Variants in HMCN2 observed in about 807,000 individuals in gnomAD.
HMCN2 encodes hemicentin-2.
In HMCN2, 325 loss-of-function variants were observed where a neutral mutation model predicts 377.5. The ratio of observed to expected loss-of-function variants is 0.86; its 90% CI spans 0.79 to 0.94. The LOEUF (loss-of-function observed/expected upper bound fraction) is 0.94. Among genes scored for constraint, HMCN2 ranks in the 40% least tolerant of loss-of-function variants. The probability of loss-of-function intolerance (pLI) is 0.00; values close to 1 mark genes in which losing one functional copy is unlikely to be tolerated. For missense variants in HMCN2, 4,543 were observed against 4,725.3 expected (o/e 0.96, Z 1.13); for synonymous variants, 2,007 against 2,046.8 (o/e 0.98, Z 0.53).
rs555835288 is a variant in HMCN2 at position 130,365,295 on chromosome 9, T to C, written c.6409-336T>C. Among the ~76,000 whole-genome samples the C allele has an allele frequency of 3.9e-5, 6 of 152,268 alleles. No individual in the cohort carries two copies. The South Asian group carries it at 1.2e-3, about 31-fold the overall frequency. ...CATTCCTCCACCTTCTCTTCGGGTC[T>C]GTTTTCTTGAGCTTTCCAAAGAGGC... On this transcript the variant is annotated intron_variant, in intron 41 of 97. Transcript: ENST00000683500.
At chr9:130,350,234 C>G (rs372751176) in intron 29 of HMCN2, among the ~76,000 whole-genome samples, 7 of 150,438 alleles carry the variant, frequency 4.7e-5, no homozygotes, top group African/African-American at 1.7e-4. Context: ...CACTTTTTCT[C>G]TAAGTAAAAT....
intron 30 of HMCN2, among the ~76,000 whole-genome samples, chr9:130,352,575 G>C (rs1229848561): frequency 6.6e-6 from 1 of 152,178 alleles, no homozygotes; most frequent in Non-Finnish European, 1.5e-5. Context: ...CCAGCCCTGT[G>C]TGAAGTCCTC....
chr9:130,323,936 A>G (rs1413366193), intron 19 of HMCN2, among the ~76,000 whole-genome samples: 4 of 152,156 alleles, frequency 2.6e-5, no homozygotes, highest in African/African-American at 9.7e-5. Context: ...TCCTGACCTC[A>G]GGTGATCCAC....
At chr9:130,403,598 C>G (rs1452334332) in intron 79 of HMCN2, 143 bp from the exon 80 acceptor site, 3 of 955,506 alleles carry the variant, frequency 3.1e-6, no homozygotes, top group Non-Finnish European at 2.8e-6. Context: ...CAGGGTCAGG[C>G]TTCTTGGCTC....
chr9:130,350,933 C>T (rs969077189), intron 29 of HMCN2, among the ~76,000 whole-genome samples: 1 of 152,028 alleles, frequency 6.6e-6, no homozygotes, highest in Non-Finnish European at 1.5e-5. Flanking sequence ...AGTGTAGTGG[C>T]ATTTAGTACA....
intron 33 of HMCN2, 80 bp downstream of exon 33, chr9:130,355,934 G>A (rs573675497): frequency 3.1e-6 from 3 of 982,100 alleles, no homozygotes; most frequent in East Asian, 1.2e-4. Flanking sequence ...GAAGTGGACA[G>A]GAGAGAGGCT....
chr9:130,295,302 T>C (rs782365928), intron 5 of HMCN2, among the ~76,000 whole-genome samples: 5 of 152,002 alleles, frequency 3.3e-5, no homozygotes, highest in Non-Finnish European at 7.4e-5. Context: ...CCCCAGTGGA[T>C]TCTCATGGTG....
chr9:130,411,155 G>A (rs1347650919), intron 85 of HMCN2, among the ~76,000 whole-genome samples: 1 of 151,440 alleles, frequency 6.6e-6, no homozygotes, highest in East Asian at 1.9e-4. Context: ...CCTCCAGCAT[G>A]CCCACCTCTG....
intron 28 of HMCN2, 145 bp from the exon 29 acceptor site, chr9:130,349,392 C>A: frequency 1.0e-6 from 1 of 995,400 alleles, no homozygotes; most frequent in Non-Finnish European, 1.3e-6. Context: ...GCAAGCCCTT[C>A]TGGCCAGGGT....
intron 4 of HMCN2, among the ~76,000 whole-genome samples, chr9:130,288,906 T>C (rs1311742779): frequency 6.6e-6 from 1 of 152,186 alleles, no homozygotes; most frequent in Non-Finnish European, 1.5e-5. Context: ...CAGGGGATCA[T>C]GTCAGAGGCA....
chr9:130,321,961 C>T (rs1020150470), intron 19 of HMCN2, 30 bp downstream of exon 19: 3 of 151,336 alleles, frequency 2.0e-5, no homozygotes, highest in Admixed American at 6.6e-5. Flanking sequence ...AGGTGGTGGT[C>T]GTGGGGCAGG....
chr9:130,405,847 T>C lies in HMCN2; in HGVS notation c.12340-108T>C, dbSNP rs1010773439. 6.0e-5 allele frequency: 50 copies of C among 832,786 alleles called. No individual in the cohort carries two copies. The East Asian group carries it at 2.8e-3, about 47-fold the overall frequency. 51.6% of individuals were successfully genotyped at this position (832,786 alleles called of 1,614,324 possible). A position where few individuals can be genotyped will look rare whatever the true frequency, so the allele number is the denominator to read the frequency against. On this transcript the variant is annotated intron_variant, in intron 81 of 97. Coordinates refer to ENST00000683500, the MANE Select transcript of HMCN2 (RefSeq NM_001291815.2). ...AGCTGTGTGACCTTGGGCAAGTCACTTCCCCTCTCTGGGCTGGATGCTCCA... is the reference window on the plus strand; with the variant it reads ...AGCTGTGTGACCTTGGGCAAGTCACCTCCCCTCTCTGGGCTGGATGCTCCA...
At chr9:130,417,897 G>T (rs1451487607) in intron 85 of HMCN2, among the ~76,000 whole-genome samples, 1 of 152,186 alleles carries the variant, frequency 6.6e-6, no homozygotes, top group Non-Finnish European at 1.5e-5. Flanking sequence ...AGTTCTGCTT[G>T]TTCCGCAGCC....
chr9:130,355,857 G>C lies in HMCN2; in HGVS notation c.5255+3G>C, dbSNP rs1280002506. ...GGCTCCCCAGTACCCACTATCCAGT[G>C]AGTCTGGGGTGGTGGAGGCCAGGGC... On this transcript the variant is annotated splice_donor_region_variant and intron_variant, in intron 33 of 97. Transcript: ENST00000683500. The C allele has an allele frequency of 1.0e-5, 13 of 1,298,386 alleles. No individual in the cohort carries two copies. Among genetic ancestry groups the C allele is most frequent in the Non-Finnish European group, 1.3e-5 (13 of 983,966 alleles). The allele number at this position is 1,298,386 out of a possible 1,614,324, so 80.4% of individuals were successfully genotyped here.
chr9:130,266,655 C>G (rs1554919147), intron 1 of HMCN2, among the ~76,000 whole-genome samples: 1 of 152,224 alleles, frequency 6.6e-6, no homozygotes, highest in African/African-American at 2.4e-5. Flanking sequence ...GGGGAGCGGA[C>G]TCACCCTTGC....
At chr9:130,433,312 C>G (rs751296899) in intron 97 of HMCN2, 36 bp from the exon 98 acceptor site, 12 of 1,388,974 alleles carry the variant, frequency 8.6e-6, no homozygotes, top group South Asian at 1.6e-5. Flanking sequence ...ACCGCACCCC[C>G]GAGTCCGCCT....
chr9:130,334,675 G>C (rs1838619308), intron 22 of HMCN2, among the ~76,000 whole-genome samples: 1 of 150,278 alleles, frequency 6.7e-6, no homozygotes, highest in Non-Finnish European at 1.5e-5. Flanking sequence ...AGAGTCTGGA[G>C]CTGCTCTTTC....
Position 130,364,900 on chromosome 9 carries a change from C to A in HMCN2, c.6408+11C>A, listed in dbSNP as rs1840610389. 1 of 985,666 alleles carries A rather than the reference C, an allele frequency of 1.0e-6. No individual in the cohort carries two copies. The highest frequency in any genetic ancestry group is 4.7e-5 in the South Asian group (1 of 21,290). 61.1% of individuals were successfully genotyped at this position (985,666 alleles called of 1,614,324 possible). A position where few individuals can be genotyped will look rare whatever the true frequency, so the allele number is the denominator to read the frequency against. On this transcript the variant is annotated intron_variant, in intron 41 of 97. Transcript: ENST00000683500. ...AAAGCCTTGCTGCAGGTGTGCAGGC[C>A]CCTGGCCAGCCAAGCAGGCCTCCAC...
chr9:130,310,989 C>G (rs961646848), intron 15 of HMCN2, among the ~76,000 whole-genome samples: 17,897 of 152,182 alleles, frequency 0.12, 1,149 homozygotes, highest in Non-Finnish European at 0.14. Flanking sequence ...CATTCACTTG[C>G]TGCAGATGTG....
Sources: gnomAD v4.1 joint callset for allele counts (sites outside exome capture counted in the v4.1 genomes callset) on GRCh38, gnomAD v4.1.1 for gene constraint, MANE v1.5 for transcripts, NCBI Gene and HGNC (gene_info 2026-07-23, HGNC 2026-07-21) for gene names.